SDC1: variants seen among roughly 807,000 people sequenced by gnomAD.
SDC1 encodes the protein syndecan-1.
SDC1 carries 14 observed loss-of-function variants against 29.7 expected under a neutral mutation model. The observed-to-expected ratio is 0.47, with a 90% CI of 0.31 to 0.74. SDC1 has a LOEUF of 0.74. Among genes scored for constraint, SDC1 ranks in the 30% least tolerant of loss-of-function variants. The pLI is 0.05. For missense variants in SDC1, 406 were observed against 400.3 expected, an observed-to-expected ratio of 1.01 and a Z score of -0.12; for synonymous variants, 204 against 175.5, an observed-to-expected ratio of 1.16 and a Z score of -1.29.
intron 1 of SDC1, among the ~76,000 whole-genome samples, chr2:20,218,733 G>A (rs1174119475): frequency 6.7e-6 from 1 of 148,954 alleles, no homozygotes; most frequent in African/African-American, 2.5e-5. Flanking sequence ...ACACACACAC[G>A]TACATGGACA....
chr2:20,206,997 C>T (rs1677293487), intron 1 of SDC1, among the ~76,000 whole-genome samples: 1 of 152,254 alleles, frequency 6.6e-6, no homozygotes, highest in Non-Finnish European at 1.5e-5. Flanking sequence ...TCTGCACTGA[C>T]TTGTCAGAGG....
rs891209781 is a variant in SDC1, at chr2:20,220,466, G to A, written c.66+4336C>T. On this transcript the variant is annotated intron_variant, in intron 1 of 4. Transcript: ENST00000254351. ...TTCCTCATCCACAAAGTGGGGCAAT[G>A]ATATATATTGTAAAGGTTTTGGGTA... Among the ~76,000 whole-genome samples, 3 of 152,160 alleles carry A rather than the reference G, an allele frequency of 2.0e-5. No individual in the cohort carries two copies. In the East Asian group the frequency reaches 5.8e-4, roughly 29 times the overall value.
At chr2:20,205,563 T>C in intron 1 of SDC1, 139 bp from the exon 2 acceptor site, 1 of 664,160 alleles carries the variant, frequency 1.5e-6, no homozygotes, top group Non-Finnish European at 2.6e-6. Flanking sequence ...CTCATGTGGC[T>C]CCAGGACCCT....
intron 1 of SDC1, among the ~76,000 whole-genome samples, chr2:20,222,478 G>T (rs1464725273): frequency 6.6e-6 from 1 of 152,158 alleles, no homozygotes; most frequent in Non-Finnish European, 1.5e-5. Context: ...ACTAATCTTT[G>T]TAAGATCAGA....
intron 1 of SDC1, among the ~76,000 whole-genome samples, chr2:20,211,701 G>A (rs973222687): frequency 6.6e-6 from 1 of 152,274 alleles, no homozygotes; most frequent in African/African-American, 2.4e-5. Flanking sequence ...CGAAGGCTGG[G>A]CCTGGAAGGC....
At chr2:20,207,468 G>A (rs1677315664) in intron 1 of SDC1, 2 of 873,726 alleles carry the variant, frequency 2.3e-6, no homozygotes, top group Non-Finnish European at 2.7e-6. Flanking sequence ...TGTAATCCCA[G>A]CACTTTGGGA....
At chr2:20,208,049 C>A (rs1431690424) in intron 1 of SDC1, 1 of 985,324 alleles carries the variant, frequency 1.0e-6, no homozygotes, top group Non-Finnish European at 1.2e-6. Flanking sequence ...TTCGACCCCA[C>A]GAGCCTCTGC....
At chr2:20,220,202 C>T (rs1677771818) in intron 1 of SDC1, among the ~76,000 whole-genome samples, 3 of 152,218 alleles carry the variant, frequency 2.0e-5, no homozygotes, top group Non-Finnish European at 4.4e-5. Flanking sequence ...CTCAGCCTGG[C>T]CCAGCCCCCT....
At chr2:20,221,050 G>A (rs999418001) in intron 1 of SDC1, among the ~76,000 whole-genome samples, 3 of 152,144 alleles carry the variant, frequency 2.0e-5, no homozygotes, top group Admixed American at 6.5e-5. Flanking sequence ...TTTCTCCACT[G>A]AGAGAGGCCC....
In SDC1 at chr2:20,203,837, T is replaced by C; in HGVS notation, c.603A>G (p.Pro201=). 6.3e-7 allele frequency: 1 copy of C among 1,598,480 alleles called. No homozygotes were observed. The highest frequency in any genetic ancestry group is 8.5e-7 in the Non-Finnish European group (1 of 1,175,198). The change falls in exon 3 of 5, where the codon CCA becomes CCG. Residue 201 remains proline (P), a synonymous_variant. Transcript: ENST00000254351. ...AAEDGASSQL[P]AAEGSGEQDF... Reference sequence around the variant, plus strand: ...CCTGCTCCCCAGAGCCCTCTGCTGCTGGGAGCTGACTGGAGGCTCCATCCT... The same window carrying C: ...CCTGCTCCCCAGAGCCCTCTGCTGCCGGGAGCTGACTGGAGGCTCCATCCT...
intron 1 of SDC1, among the ~76,000 whole-genome samples, chr2:20,208,654 G>A (rs1412164253): frequency 1.3e-5 from 2 of 152,168 alleles, no homozygotes; most frequent in Non-Finnish European, 2.9e-5. Context: ...GCTGACAGCC[G>A]GCAGCAAACT....
Position 20,223,719 on chromosome 2 carries a change from G to A in SDC1, c.66+1083C>T, listed in dbSNP as rs865986395. On this transcript the variant is annotated intron_variant, in intron 1 of 4. Coordinates refer to ENST00000254351, the MANE Select transcript of SDC1 (RefSeq NM_002997.5). ...GCCGGCGTTACGGGGCTGTTCCCAG[G>A]AAAGGGTTACAGGGGCCGAGAACAA... Among the ~76,000 whole-genome samples the A allele has an allele frequency of 6.6e-5, 10 of 152,358 alleles. No homozygotes were observed. The South Asian group carries it at 1.9e-3, about 28-fold the overall frequency.
intron 2 of SDC1, among the ~76,000 whole-genome samples, chr2:20,205,088 G>A (rs566607729): frequency 9.8e-5 from 15 of 152,350 alleles, no homozygotes; most frequent in Admixed American, 2.6e-4. Context: ...ATGAGCCTGC[G>A]TGCAGCAGGC....
intron 1 of SDC1, chr2:20,223,516 C>T (rs1344505874): frequency 3.1e-6 from 1 of 326,840 alleles, no homozygotes; most frequent in Non-Finnish European, 6.0e-6. Context: ...GGGGAAGCGC[C>T]CCTGGCTCCG....
chr2:20,211,248 G>C (rs137957021), intron 1 of SDC1, among the ~76,000 whole-genome samples: 1 of 152,134 alleles, frequency 6.6e-6, no homozygotes, highest in Non-Finnish European at 1.5e-5. Context: ...GGTCCTGTAG[G>C]GGGTCTTCAG....
At chr2:20,222,497 A>G (rs1677854895) in intron 1 of SDC1, among the ~76,000 whole-genome samples, 1 of 152,128 alleles carries the variant, frequency 6.6e-6, no homozygotes. Flanking sequence ...GAAAAAGCAA[A>G]AAGAACACCT....
Position 20,224,934 on chromosome 2 carries a change from G to A in SDC1, c.-67C>T. 8.3e-7 allele frequency: 1 copy of A among 1,200,874 alleles called. No homozygotes were observed. The highest frequency in any genetic ancestry group is 1.0e-6 in the Non-Finnish European group (1 of 968,522). The allele number at this position is 1,200,874 out of a possible 1,614,324, so 74.4% of individuals were successfully genotyped here. A position where few individuals can be genotyped will look rare whatever the true frequency, so the allele number is the denominator to read the frequency against. On this transcript the variant is annotated 5_prime_UTR_variant, in exon 1 of 5. Coordinates refer to ENST00000254351, the MANE Select transcript of SDC1 (RefSeq NM_002997.5). This position sits in a 1 kb window ranked among gnomAD's most constrained non-coding sequence, Gnocchi z 4.9. ...TCGCGGCTGCGGGCCGGCTTCGCGG[G>A]TTCCGCTGCTCGATGCTCTCTTGGG...
At chr2:20,220,331 G>A (rs1677776386) in intron 1 of SDC1, among the ~76,000 whole-genome samples, 1 of 152,068 alleles carries the variant, frequency 6.6e-6, no homozygotes, top group Non-Finnish European at 1.5e-5. Context: ...TGACAGTCTT[G>A]CGATGTATTC....
rs370515948 is a variant in SDC1, at chr2:20,202,567, A to C, written c.*199T>G. On this transcript the variant is annotated 3_prime_UTR_variant, in exon 5 of 5. Coordinates refer to ENST00000254351, the MANE Select transcript of SDC1 (RefSeq NM_002997.5). ...CTATGCGAGAAACCCCTGGTGCCCT[A>C]AGTCTCCAGGCAGAAGTCAGAGAAG... 9.2e-4 allele frequency: 575 copies of C among 626,224 alleles called. 4 individuals are homozygous for C. In the East Asian group the frequency reaches 0.014, roughly 15 times the overall value. 38.8% of individuals were successfully genotyped at this position (626,224 alleles called of 1,614,324 possible). A position where few individuals can be genotyped will look rare whatever the true frequency, so the allele number is the denominator to read the frequency against.
Sources: gnomAD v4.1 joint callset for allele counts (sites outside exome capture counted in the v4.1 genomes callset) on GRCh38, gnomAD v4.1.1 for gene constraint, Gnocchi (gnomAD v3.1) non-coding constraint, MANE v1.5 for transcripts, NCBI Gene and HGNC (gene_info 2026-07-23, HGNC 2026-07-21) for gene names.